Variants in KCNQ1 observed in about 807,000 individuals in gnomAD.
The protein encoded by KCNQ1 is potassium voltage-gated channel subfamily Q member 1, also known as potassium voltage-gated channel subfamily KQT member 1.
A neutral mutation model predicts 72.4 loss-of-function variants in KCNQ1; 49 were observed. The ratio of observed to expected loss-of-function variants is 0.68; its 90% CI spans 0.54 to 0.86. The LOEUF is 0.86. KCNQ1 is among the 40% of genes least tolerant of loss of function. The pLI is 0.00. For missense variants in KCNQ1, 790 were observed against 945.1 expected, an observed-to-expected ratio of 0.84 and a Z score of 2.15; for synonymous variants, 450 against 412.6, an observed-to-expected ratio of 1.09 and a Z score of -1.10.
Position 2,564,216 on chromosome 11 carries a change from G to A in KCNQ1, c.478-6412G>A, listed in dbSNP as rs1238901359. 6.6e-6 allele frequency among the ~76,000 whole-genome samples: 1 copy of A among 152,240 alleles called. No homozygotes were observed. Reference sequence around the variant, plus strand: ...CAGCCAACACCTGTCTCCGGTTCCAGAGCTTTTTCATCACCTCAAAAGGAA... The same window carrying A: ...CAGCCAACACCTGTCTCCGGTTCCAAAGCTTTTTCATCACCTCAAAAGGAA... On this transcript the variant is annotated intron_variant, in intron 2 of 15. Coordinates refer to ENST00000155840, the MANE Select transcript of KCNQ1 (RefSeq NM_000218.3). The surrounding 1 kb of genome is among the most constrained non-coding windows in gnomAD (Gnocchi z 4.5).
intron 11 of KCNQ1, chr11:2,665,687 G>A: frequency 2.5e-6 from 1 of 398,208 alleles, no homozygotes; most frequent in Non-Finnish European, 4.4e-6. Context: ...ATGGTGCCAG[G>A]AGGGAGAAGG....
rs1260195650 is a variant in KCNQ1, at chr11:2,563,769, C to T, written c.478-6859C>T. 6.6e-6 allele frequency among the ~76,000 whole-genome samples: 1 copy of T among 152,218 alleles called. No homozygotes were observed. Among genetic ancestry groups the T allele is most frequent in the African/African-American group, 2.4e-5 (1 of 41,462 alleles). ...TTTACAGCTTGCCTGTGTTTTTCCA[C>T]CCAGGGCCCTTTGCACTGCCTGCTA... On this transcript the variant is annotated intron_variant, in intron 2 of 15. Transcript: ENST00000155840. This position sits in a 1 kb window ranked among gnomAD's most constrained non-coding sequence, Gnocchi z 7.4.
chr11:2,670,409 T>G lies in KCNQ1; in HGVS notation c.1514+8328T>G. ...TTAACCAGACACCTACTATGTGTATTTCTTGTGTTGGGGTTAGGAGATACT... is the reference window on the plus strand; with the variant it reads ...TTAACCAGACACCTACTATGTGTATGTCTTGTGTTGGGGTTAGGAGATACT... On this transcript the variant is annotated intron_variant, in intron 11 of 15. Transcript: ENST00000155840. This position sits in a 1 kb window ranked among gnomAD's most constrained non-coding sequence, Gnocchi z 4.9. The G allele has an allele frequency of 2.5e-6, 1 of 398,246 alleles. No homozygotes were observed. The highest frequency in any genetic ancestry group is 4.4e-6 in the Non-Finnish European group (1 of 226,022). The allele number at this position is 398,246 out of a possible 1,614,324, so 24.7% of individuals were successfully genotyped here.
At chr11:2,804,588 C>G (rs990404612) in intron 15 of KCNQ1, among the ~76,000 whole-genome samples, 4 of 152,016 alleles carry the variant, frequency 2.6e-5, no homozygotes, top group Non-Finnish European at 5.9e-5. Context: ...CAGAGTGGTT[C>G]CAGGGCTCAT....
chr11:2,515,402 C>T lies in KCNQ1; in HGVS notation c.387-12526C>T, dbSNP rs942496861. Among the ~76,000 whole-genome samples, 4 of 51,890 alleles carry T rather than the reference C, an allele frequency of 7.7e-5. No individual in the cohort carries two copies. The highest frequency in any genetic ancestry group is 1.5e-4 in the African/African-American group (4 of 27,160). The allele number at this position is 51,890 out of a possible 152,430, so 34.0% of individuals were successfully genotyped here. A position where few individuals can be genotyped will look rare whatever the true frequency, so the allele number is the denominator to read the frequency against. On this transcript the variant is annotated intron_variant, in intron 1 of 15. Coordinates refer to ENST00000155840, the MANE Select transcript of KCNQ1 (RefSeq NM_000218.3). The surrounding 1 kb of genome is among the most constrained non-coding windows in gnomAD (Gnocchi z 4.7). Reference sequence around the variant, plus strand: ...AACGCCTGCCCTGTGTGAGGGAGGGCGGAGCCCCTGGCCCAGGGGCGGGGA... The same window carrying T: ...AACGCCTGCCCTGTGTGAGGGAGGGTGGAGCCCCTGGCCCAGGGGCGGGGA...
chr11:2,584,524 AGTGT>A (rs377530797), intron 7 of KCNQ1, among the ~76,000 whole-genome samples: 4 of 128,392 alleles, frequency 3.1e-5, no homozygotes, highest in Non-Finnish European at 6.7e-5. Context: ...TTTGTGTGTT[AGTGT>A]GTGTGTTAGT....
rs545811501 is a variant in KCNQ1, at chr11:2,491,931, A to G, written c.387-35997A>G. The stretch of plus-strand genomic sequence containing the variant: ...GTGGCAGGACATATTTAAGGTGCTG[A>G]AGGAAAAAAAAGAAAAAAACTTTTG... On this transcript the variant is annotated intron_variant, in intron 1 of 15. Transcript: ENST00000155840. The surrounding 1 kb of genome is among the most constrained non-coding windows in gnomAD (Gnocchi z 4.1). 6.6e-6 allele frequency among the ~76,000 whole-genome samples: 1 copy of G among 152,294 alleles called. No homozygotes were observed. The highest frequency in any genetic ancestry group is 6.5e-5 in the Admixed American group (1 of 15,292).
chr11:2,565,638 C>T lies in KCNQ1; in HGVS notation c.478-4990C>T, dbSNP rs1848236343. On this transcript the variant is annotated intron_variant, in intron 2 of 15. Coordinates refer to ENST00000155840, the MANE Select transcript of KCNQ1 (RefSeq NM_000218.3). The surrounding 1 kb of genome is among the most constrained non-coding windows in gnomAD (Gnocchi z 5.6). ...TGTGGCCAGGGGAAAGACCCGTGGC[C>T]TATCTTGTTTTGGGGGGCAGGGACC... Among the ~76,000 whole-genome samples, 1 of 152,158 alleles carries T rather than the reference C, an allele frequency of 6.6e-6. No individual in the cohort carries two copies. The highest frequency in any genetic ancestry group is 2.4e-5 in the African/African-American group (1 of 41,434).
Position 2,668,668 on chromosome 11 carries a change from C to A in KCNQ1, c.1514+6587C>A. On this transcript the variant is annotated intron_variant, in intron 11 of 15. Coordinates refer to ENST00000155840, the MANE Select transcript of KCNQ1 (RefSeq NM_000218.3). This position sits in a 1 kb window ranked among gnomAD's most constrained non-coding sequence, Gnocchi z 4.3. ...TATATATCTTTAGATATTCTGGAGT[C>A]ATTTGTCAGAGAGAGAGATACACAC... is the stretch of plus-strand genomic sequence containing the variant. The A allele has an allele frequency of 2.5e-6, 1 of 398,540 alleles. No individual in the cohort carries two copies. The highest frequency in any genetic ancestry group is 1.3e-4 in the South Asian group (1 of 7,832). The allele number at this position is 398,540 out of a possible 1,614,324, so 24.7% of individuals were successfully genotyped here. A position where few individuals can be genotyped will look rare whatever the true frequency, so the allele number is the denominator to read the frequency against.
intron 11 of KCNQ1, chr11:2,675,127 C>G (rs1850269720): frequency 7.5e-6 from 3 of 398,538 alleles, no homozygotes; most frequent in Non-Finnish European, 1.3e-5. Context: ...TCACTAGCCT[C>G]TTTCTCCCAT....
At chr11:2,469,472 C>G (rs1308254637) in intron 1 of KCNQ1, among the ~76,000 whole-genome samples, 1 of 151,846 alleles carries the variant, frequency 6.6e-6, no homozygotes, top group African/African-American at 2.4e-5. Flanking sequence ...AGGGTTTCAC[C>G]ACGTTGGCCA....
intron 1 of KCNQ1, among the ~76,000 whole-genome samples, chr11:2,467,883 T>C (rs558344388): frequency 1.2e-4 from 19 of 152,344 alleles, no homozygotes; most frequent in African/African-American, 4.3e-4. Flanking sequence ...CTGGGGCTGC[T>C]GTGACCTCCG....
chr11:2,665,486 G>A lies in KCNQ1; in HGVS notation c.1514+3405G>A, dbSNP rs2283182. ...AGTGGGTGGGGACGGTGCCATGCCTGTGTGCATCCCTGTGCCTTGCGTGTG... is the reference window on the plus strand; with the variant it reads ...AGTGGGTGGGGACGGTGCCATGCCTATGTGCATCCCTGTGCCTTGCGTGTG... On this transcript the variant is annotated intron_variant, in intron 11 of 15. Transcript: ENST00000155840. 0.016 allele frequency: 6,291 copies of A among 395,904 alleles called. 169 individuals carry two copies. The highest frequency in any genetic ancestry group is 0.079 in the East Asian group (2,213 of 27,922). The allele number at this position is 395,904 out of a possible 1,614,324, so 24.5% of individuals were successfully genotyped here. A position where few individuals can be genotyped will look rare whatever the true frequency, so the allele number is the denominator to read the frequency against.
At chr11:2,480,382 A>G (rs1201385764) in intron 1 of KCNQ1, among the ~76,000 whole-genome samples, 1 of 152,246 alleles carries the variant, frequency 6.6e-6, no homozygotes, top group South Asian at 2.1e-4. Flanking sequence ...AGGTCTCACA[A>G]TCATGGCGGA....
chr11:2,797,743 C>T (rs773370671), intron 15 of KCNQ1, among the ~76,000 whole-genome samples: 1 of 152,172 alleles, frequency 6.6e-6, no homozygotes, highest in Non-Finnish European at 1.5e-5. Flanking sequence ...CTTTTTACAG[C>T]CCCCTGCTTG....
Position 2,507,288 on chromosome 11 carries a change from A to T in KCNQ1, c.387-20640A>T, listed in dbSNP as rs887505990. Among the ~76,000 whole-genome samples, 1 of 152,128 alleles carries T rather than the reference A, an allele frequency of 6.6e-6. No homozygotes were observed. Among genetic ancestry groups the T allele is most frequent in the African/African-American group, 2.4e-5 (1 of 41,434 alleles). Reference sequence around the variant, plus strand: ...GACCTCTTCCTTAGAAGTTCACCCCACTGGCTGGGGCCTTCACGAGGCCCC... The same window carrying T: ...GACCTCTTCCTTAGAAGTTCACCCCTCTGGCTGGGGCCTTCACGAGGCCCC... On this transcript the variant is annotated intron_variant, in intron 1 of 15. Coordinates refer to ENST00000155840, the MANE Select transcript of KCNQ1 (RefSeq NM_000218.3). The surrounding 1 kb of genome is among the most constrained non-coding windows in gnomAD (Gnocchi z 5.4).
intron 10 of KCNQ1, among the ~76,000 whole-genome samples, chr11:2,596,276 G>C (rs1848732098): frequency 6.6e-6 from 1 of 152,188 alleles, no homozygotes; most frequent in African/African-American, 2.4e-5. Context: ...AAACAGTTCA[G>C]CAGTTTCTTG....
At chr11:2,556,308 T>C (rs1225159604) in intron 2 of KCNQ1, among the ~76,000 whole-genome samples, 1 of 152,094 alleles carries the variant, frequency 6.6e-6, no homozygotes, top group Non-Finnish European at 1.5e-5. Context: ...CACTCTGAGG[T>C]GTGCTGGAGG....
Position 2,663,138 on chromosome 11 carries a change from C to A in KCNQ1, c.1514+1057C>A. 5.0e-6 allele frequency: 2 copies of A among 398,698 alleles called. No homozygotes were observed. The highest frequency in any genetic ancestry group is 8.8e-6 in the Non-Finnish European group (2 of 226,152). The allele number at this position is 398,698 out of a possible 1,614,324, so 24.7% of individuals were successfully genotyped here. ...AAGGGGTAATTATGATCAGACAGGA[C>A]CTGCCCACTGTCTTTCCAGGCCCCC... On this transcript the variant is annotated intron_variant, in intron 11 of 15. Transcript: ENST00000155840. This position sits in a 1 kb window ranked among gnomAD's most constrained non-coding sequence, Gnocchi z 5.2.
Sources: gnomAD v4.1 joint callset for allele counts (sites outside exome capture counted in the v4.1 genomes callset) on GRCh38, gnomAD v4.1.1 for gene constraint, Gnocchi (gnomAD v3.1) non-coding constraint, MANE v1.5 for transcripts, NCBI Gene and HGNC (gene_info 2026-07-23, HGNC 2026-07-21) for gene names.